Variants in RBMS3 observed in about 807,000 individuals in gnomAD.
The protein encoded by RBMS3 is RNA binding motif single stranded interacting protein 3.
In RBMS3, 27 loss-of-function variants were observed where a neutral mutation model predicts 66.8. The observed-to-expected ratio is 0.40, with a 90% CI of 0.30 to 0.56. RBMS3 has a LOEUF of 0.56. RBMS3 is among the 20% of genes least tolerant of loss of function. RBMS3 has a pLI of 0.40. For missense variants in RBMS3, 513 were observed against 549.5 expected, an observed-to-expected ratio of 0.93 and a Z score of 0.66; for synonymous variants, 188 against 183.0, an observed-to-expected ratio of 1.03 and a Z score of -0.22.
intron 12 of RBMS3, among the ~76,000 whole-genome samples, chr3:29,945,516 A>T (rs905637049): frequency 1.3e-5 from 2 of 151,674 alleles, no homozygotes; most frequent in African/African-American, 4.8e-5. Context: ...ATTTCCTGTC[A>T]TATCTTAACA....
At chr3:29,418,499 T>A (rs1211839858) in intron 1 of RBMS3, among the ~76,000 whole-genome samples, 1 of 152,128 alleles carries the variant, frequency 6.6e-6, no homozygotes, top group African/African-American at 2.4e-5. Context: ...AGATTCAGGA[T>A]GAATAGACAG....
At chr3:29,663,486 C>T (rs1169239121) in intron 4 of RBMS3, among the ~76,000 whole-genome samples, 1 of 152,100 alleles carries the variant, frequency 6.6e-6, no homozygotes, top group Non-Finnish European at 1.5e-5. Context: ...CTTTAATGAA[C>T]TTTCTTTTCT....
At chr3:29,447,367 G>A (rs149236908) in intron 2 of RBMS3, among the ~76,000 whole-genome samples, 340 of 152,154 alleles carry the variant, frequency 2.2e-3, no homozygotes, top group African/African-American at 7.7e-3. Flanking sequence ...ACTTAGTTTA[G>A]GTTGACTTGT....
chr3:29,774,866 T>A lies in RBMS3; in HGVS notation c.637+11877T>A, dbSNP rs1246859212. 2.6e-5 allele frequency among the ~76,000 whole-genome samples: 4 copies of A among 151,836 alleles called. No individual in the cohort carries two copies. The East Asian group carries it at 5.9e-4, about 22-fold the overall frequency. ...AGTGTTTTTAAATAAAAGTGTATGATTTATGTCAATATGTAACAGGACTAT... is the reference window on the plus strand; with the variant it reads ...AGTGTTTTTAAATAAAAGTGTATGAATTATGTCAATATGTAACAGGACTAT... On this transcript the variant is annotated intron_variant, in intron 6 of 14. Coordinates refer to ENST00000383767, the MANE Select transcript of RBMS3 (RefSeq NM_001003793.3).
At chr3:29,955,271 T>C (rs1047684230) in intron 12 of RBMS3, among the ~76,000 whole-genome samples, 2 of 151,940 alleles carry the variant, frequency 1.3e-5, no homozygotes, top group African/African-American at 4.8e-5. Context: ...GGGTTCTCAT[T>C]CTTCTTCGCT....
At chr3:29,382,422 C>T (rs114704235) in intron 1 of RBMS3, among the ~76,000 whole-genome samples, 3,630 of 152,290 alleles carry the variant, frequency 0.024, 58 homozygotes, top group Non-Finnish European at 0.038. Flanking sequence ...TCTTCCTCAA[C>T]GCTTACTACT....
intron 4 of RBMS3, among the ~76,000 whole-genome samples, chr3:29,714,773 CACACAT>C (rs370208184): frequency 7.2e-6 from 1 of 138,060 alleles, no homozygotes; most frequent in African/African-American, 2.6e-5. Flanking sequence ...CACACACACA[CACACAT>C]ACTCTCAAAC....
At chr3:29,406,365 T>C (rs2040016884) in intron 1 of RBMS3, among the ~76,000 whole-genome samples, 1 of 152,180 alleles carries the variant, frequency 6.6e-6, no homozygotes, top group Non-Finnish European at 1.5e-5. Context: ...TTATTAAAAA[T>C]GAAATCTGTA....
At chr3:29,362,344 T>G (rs900709258) in intron 1 of RBMS3, among the ~76,000 whole-genome samples, 1 of 152,190 alleles carries the variant, frequency 6.6e-6, no homozygotes, top group Non-Finnish European at 1.5e-5. Context: ...GTATCAGCAG[T>G]GGAAGCTGCA....
intron 2 of RBMS3, among the ~76,000 whole-genome samples, chr3:29,459,423 A>T (rs949666171): frequency 1.3e-5 from 2 of 152,192 alleles, no homozygotes; most frequent in Non-Finnish European, 2.9e-5. Flanking sequence ...GCATATAACA[A>T]TCATCTAAAA....
chr3:29,875,947 A>G (rs1242239082), intron 7 of RBMS3, among the ~76,000 whole-genome samples: 2 of 152,170 alleles, frequency 1.3e-5, no homozygotes, highest in Non-Finnish European at 2.9e-5. Context: ...CTGTGACGAT[A>G]TAGTGCATGT....
At chr3:29,776,335 A>T (rs1484224652) in intron 6 of RBMS3, among the ~76,000 whole-genome samples, 1 of 151,848 alleles carries the variant, frequency 6.6e-6, no homozygotes. Context: ...TTACGTTTTA[A>T]CTTGAACAAG....
At chr3:29,860,816 A>G (rs116897674) in intron 6 of RBMS3, among the ~76,000 whole-genome samples, 2 of 152,304 alleles carry the variant, frequency 1.3e-5, no homozygotes, top group East Asian at 3.9e-4. Context: ...TTTTTAATGT[A>G]CAAGTCACCC....
At chr3:29,873,917 C>G (rs1303660462) in intron 7 of RBMS3, among the ~76,000 whole-genome samples, 1 of 152,114 alleles carries the variant, frequency 6.6e-6, no homozygotes, top group Admixed American at 6.5e-5. Context: ...TGAACCAACC[C>G]TGCATGCCAG....
At position 29,434,725 on chromosome 3, in the gene RBMS3, A is replaced by G. The variant is rs770126175; in HGVS notation, c.76-18A>G. The G allele has an allele frequency of 2.2e-5, 36 of 1,601,962 alleles. No individual in the cohort carries two copies. The highest frequency in any genetic ancestry group is 1.7e-5 in the Admixed American group (1 of 58,204). ...TGCTGGCTTTTGTTTTTCCAGTAACAGCTTTTTCTGTTTCCAGCAGTCCTA... is the reference window on the plus strand; with the variant it reads ...TGCTGGCTTTTGTTTTTCCAGTAACGGCTTTTTCTGTTTCCAGCAGTCCTA... On this transcript the variant is annotated intron_variant, in intron 1 of 14. Coordinates refer to ENST00000383767, the MANE Select transcript of RBMS3 (RefSeq NM_001003793.3).
At chr3:29,873,513 T>A (rs998084659) in intron 7 of RBMS3, among the ~76,000 whole-genome samples, 1 of 152,154 alleles carries the variant, frequency 6.6e-6, no homozygotes, top group African/African-American at 2.4e-5. Context: ...TTTTTTTAGA[T>A]GTAGAATCAT....
At chr3:29,446,315 T>C (rs2041829862) in intron 2 of RBMS3, among the ~76,000 whole-genome samples, 1 of 146,224 alleles carries the variant, frequency 6.8e-6, no homozygotes, top group Non-Finnish European at 1.6e-5. Context: ...TTGTAATTCA[T>C]ATTTTTATAT....
chr3:29,495,540 C>G (rs924022030), intron 3 of RBMS3, among the ~76,000 whole-genome samples: 1 of 151,224 alleles, frequency 6.6e-6, no homozygotes, highest in Non-Finnish European at 1.5e-5. Flanking sequence ...CTCAGCCTCC[C>G]GAGTAGCTGG....
chr3:29,317,449 C>G (rs560554939), intron 1 of RBMS3, among the ~76,000 whole-genome samples: 1 of 151,746 alleles, frequency 6.6e-6, no homozygotes, highest in South Asian at 2.1e-4. Context: ...CTCACCTATT[C>G]TATCATTATT....
Sources: gnomAD v4.1 joint callset for allele counts (sites outside exome capture counted in the v4.1 genomes callset) on GRCh38, gnomAD v4.1.1 for gene constraint, MANE v1.5 for transcripts, NCBI Gene and HGNC (gene_info 2026-07-23, HGNC 2026-07-21) for gene names.